MAML3: variants seen among roughly 807,000 people sequenced by gnomAD.
The protein encoded by MAML3 is mastermind-like protein 3.
Under a neutral mutation model 101.9 loss-of-function variants are expected in MAML3, and 27 were observed. The ratio of observed to expected loss-of-function variants is 0.27; its 90% CI spans 0.20 to 0.37. The LOEUF is 0.37. MAML3 is among the 10% of genes least tolerant of loss of function. MAML3 has a pLI of 1.00. For missense variants in MAML3, 1,316 were observed against 1,444.9 expected (o/e 0.91, Z 1.45); for synonymous variants, 501 against 555.9 (o/e 0.90, Z 1.39).
rs1578700835 is a variant in MAML3, at chr4:140,130,981, G to A, written c.468+21879C>T. ...CCCAGGTTCTAAATAGAGAGGACCA[G>A]CAGAATTAGGAAAAATCCCTTCACA... On this transcript the variant is annotated intron_variant, in intron 1 of 4. Coordinates refer to ENST00000509479, the MANE Select transcript of MAML3 (RefSeq NM_018717.5). Among the ~76,000 whole-genome samples, 4 of 152,204 alleles carry A rather than the reference G, an allele frequency of 2.6e-5. 1 individual carries two copies. The South Asian group carries it at 8.3e-4, about 32-fold the overall frequency.
intron 2 of MAML3, among the ~76,000 whole-genome samples, chr4:139,853,169 C>G (rs1731590634): frequency 6.6e-6 from 1 of 152,186 alleles, no homozygotes; most frequent in African/African-American, 2.4e-5. Context: ...CTCATTTCTG[C>G]TTCCCTTATA....
At chr4:139,946,326 C>G (rs1375873809) in intron 1 of MAML3, among the ~76,000 whole-genome samples, 1 of 152,168 alleles carries the variant, frequency 6.6e-6, no homozygotes. Context: ...GTGATTCTCT[C>G]AGATTCAGGG....
rs2110999532 is a variant in MAML3, at chr4:140,103,612, A to G, written c.468+49248T>C. On this transcript the variant is annotated intron_variant, in intron 1 of 4. Transcript: ENST00000509479. ...ATTAAACCGGCATATTGGAGATACA[A>G]CTTTACAGAAAGCATGAAGACAAAC... 3.3e-5 allele frequency among the ~76,000 whole-genome samples: 5 copies of G among 152,362 alleles called. No homozygotes were observed. The Middle Eastern group carries it at 0.017, about 518-fold the overall frequency.
chr4:139,902,395 G>C (rs1197320395), intron 1 of MAML3, among the ~76,000 whole-genome samples: 1 of 152,214 alleles, frequency 6.6e-6, no homozygotes, highest in African/African-American at 2.4e-5. Context: ...CCAAACCTGA[G>C]GGGGCTTAGG....
At chr4:140,007,207 G>A (rs1015426416) in intron 1 of MAML3, among the ~76,000 whole-genome samples, 4 of 152,126 alleles carry the variant, frequency 2.6e-5, no homozygotes, top group African/African-American at 9.7e-5. Flanking sequence ...AGAGAGAAAA[G>A]TAAGATCTAA....
chr4:139,846,313 A>C (rs1731445391), intron 2 of MAML3, among the ~76,000 whole-genome samples: 1 of 152,088 alleles, frequency 6.6e-6, no homozygotes, highest in Non-Finnish European at 1.5e-5. Context: ...ATAATAGTTT[A>C]AATATTATTT....
chr4:139,932,872 C>G (rs2110730226), intron 1 of MAML3, among the ~76,000 whole-genome samples: 1 of 152,232 alleles, frequency 6.6e-6, no homozygotes, highest in South Asian at 2.1e-4. Flanking sequence ...GCTGACTGAA[C>G]CAGGTAGAAG....
intron 2 of MAML3, among the ~76,000 whole-genome samples, chr4:139,739,770 A>G (rs1373144186): frequency 6.7e-6 from 1 of 149,618 alleles, no homozygotes; most frequent in Non-Finnish European, 1.5e-5. Context: ...GCCACTGGAT[A>G]GTCTTGTTAG....
intron 2 of MAML3, among the ~76,000 whole-genome samples, chr4:139,751,994 C>G (rs1013569093): frequency 6.6e-6 from 1 of 152,180 alleles, no homozygotes; most frequent in Non-Finnish European, 1.5e-5. Context: ...CTGAGCCCAG[C>G]AGCAGAAATC....
intron 2 of MAML3, among the ~76,000 whole-genome samples, chr4:139,848,632 T>C (rs1197933841): frequency 2.0e-5 from 3 of 152,146 alleles, no homozygotes; most frequent in African/African-American, 7.2e-5. Flanking sequence ...CTAAGCAAAA[T>C]AATATCATAA....
chr4:139,772,434 T>C (rs906627230), intron 2 of MAML3, among the ~76,000 whole-genome samples: 2 of 150,970 alleles, frequency 1.3e-5, no homozygotes, highest in Admixed American at 6.6e-5. Flanking sequence ...CTCCGCCTCC[T>C]GGGTTCAAGT....
intron 2 of MAML3, among the ~76,000 whole-genome samples, chr4:139,802,311 G>A (rs1730624097): frequency 6.6e-6 from 1 of 152,106 alleles, no homozygotes; most frequent in Non-Finnish European, 1.5e-5. Flanking sequence ...CGCAGTGTCT[G>A]GCTGCAGCAG....
chr4:139,762,577 A>C (rs188299218), intron 2 of MAML3, among the ~76,000 whole-genome samples: 1 of 152,338 alleles, frequency 6.6e-6, no homozygotes. Flanking sequence ...AATATTCAGC[A>C]TCATAAACCA....
chr4:139,852,558 A>G (rs933668627), intron 2 of MAML3, among the ~76,000 whole-genome samples: 5 of 151,632 alleles, frequency 3.3e-5, no homozygotes, highest in Non-Finnish European at 7.4e-5. Context: ...GATTACAGGC[A>G]CCTGCCATCA....
intron 1 of MAML3, among the ~76,000 whole-genome samples, chr4:140,146,756 T>G (rs1194117031): frequency 6.6e-6 from 1 of 152,152 alleles, no homozygotes; most frequent in Non-Finnish European, 1.5e-5. Flanking sequence ...AAGCATATTA[T>G]AATATTTTCC....
intron 1 of MAML3, among the ~76,000 whole-genome samples, chr4:140,042,252 G>C (rs1004655447): frequency 1.3e-5 from 2 of 152,136 alleles, no homozygotes; most frequent in Admixed American, 6.5e-5. Context: ...GGCTTTAAAG[G>C]CTGCTGGCAG....
At chr4:139,990,251 C>T (rs1734640128) in intron 1 of MAML3, among the ~76,000 whole-genome samples, 1 of 152,026 alleles carries the variant, frequency 6.6e-6, no homozygotes, top group Admixed American at 6.6e-5. Context: ...TCAATATACG[C>T]AAATCAATAA....
At chr4:140,053,158 G>A (rs1447348672) in intron 1 of MAML3, among the ~76,000 whole-genome samples, 1 of 152,076 alleles carries the variant, frequency 6.6e-6, no homozygotes, top group Admixed American at 6.5e-5. Flanking sequence ...ATGAACAGCA[G>A]CCACCGACAA....
At chr4:139,730,230 A>T in intron 3 of MAML3, 186 bp downstream of exon 3, 1 of 618,488 alleles carries the variant, frequency 1.6e-6, no homozygotes, top group South Asian at 2.0e-5. Context: ...AAATTAATTC[A>T]TTATAGGAAA....
Sources: gnomAD v4.1 joint callset for allele counts (sites outside exome capture counted in the v4.1 genomes callset) on GRCh38, gnomAD v4.1.1 for gene constraint, MANE v1.5 for transcripts, NCBI Gene and HGNC (gene_info 2026-07-23, HGNC 2026-07-21) for gene names.